ALDH3A2: variants seen among roughly 807,000 people sequenced by gnomAD.
ALDH3A2 encodes the protein aldehyde dehydrogenase 3 family member A2.
In ALDH3A2, 36 loss-of-function variants were observed where a neutral mutation model predicts 51.3. The ratio of observed to expected loss-of-function variants is 0.70; its 90% CI spans 0.54 to 0.93. The LOEUF (loss-of-function observed/expected upper bound fraction) is 0.93. Among genes scored for constraint, ALDH3A2 ranks in the 40% least tolerant of loss-of-function variants. The probability of loss-of-function intolerance (pLI) is 0.00; values close to 1 mark genes in which losing one functional copy is unlikely to be tolerated. For synonymous variants in ALDH3A2, 199 were observed against 219.8 expected (o/e 0.91, Z 0.84); for missense variants, 552 against 603.1 (o/e 0.92, Z 0.89).
chr17:19,666,565 T>C (rs1339049928), intron 8 of ALDH3A2, among the ~76,000 whole-genome samples: 2 of 152,058 alleles, frequency 1.3e-5, no homozygotes, highest in Non-Finnish European at 2.9e-5. Context: ...TCACTTGAGG[T>C]CAGGAGTTCC....
At chr17:19,656,599 G>T (rs1403120497) in intron 4 of ALDH3A2, 25 bp downstream of exon 4, 2 of 1,587,984 alleles carry the variant, frequency 1.3e-6, no homozygotes, top group South Asian at 2.3e-5. Flanking sequence ...CTGATTTTCT[G>T]AGGTTTTCCC....
chr17:19,653,265 G>A (rs1205941348), intron 3 of ALDH3A2, among the ~76,000 whole-genome samples: 1 of 151,866 alleles, frequency 6.6e-6, no homozygotes, highest in African/African-American at 2.4e-5. Context: ...GGCTGGTCTC[G>A]AGCTCCTGAC....
At chr17:19,649,354 T>C in intron 1 of ALDH3A2, 1 of 557,080 alleles carries the variant, frequency 1.8e-6, no homozygotes, top group Non-Finnish European at 3.1e-6. Flanking sequence ...CTGCCTTTTC[T>C]ATTCTTGTCC....
chr17:19,650,307 G>T (rs988070369), intron 1 of ALDH3A2, among the ~76,000 whole-genome samples: 1 of 151,108 alleles, frequency 6.6e-6, no homozygotes, highest in Non-Finnish European at 1.5e-5. Context: ...AAACGGACAG[G>T]GTCTCCCTTT....
chr17:19,675,420 CCTTTT>C (rs2152334429), intron 9 of ALDH3A2, 133 bp from the exon 10 acceptor site: 2 of 880,274 alleles, frequency 2.3e-6, no homozygotes, highest in African/African-American at 3.3e-5. Context: ...GATATGTAGT[CCTTTT>C]TTGTACAATG....
At chr17:19,673,398 C>A in intron 9 of ALDH3A2, 1 of 1,185,166 alleles carries the variant, frequency 8.4e-7, no homozygotes. Flanking sequence ...TTTTTTTTTG[C>A]TACAGTTGGA....
intron 3 of ALDH3A2, among the ~76,000 whole-genome samples, chr17:19,655,842 T>A (rs569589874): frequency 6.6e-6 from 1 of 152,328 alleles, no homozygotes; most frequent in East Asian, 1.9e-4. Flanking sequence ...GTAGCTTGCC[T>A]AAGGTTGCAT....
rs2084865348 is a variant in ALDH3A2 at position 19,654,422 on chromosome 17, C to A, written c.471+1790C>A. Among the ~76,000 whole-genome samples the A allele has an allele frequency of 6.6e-6, 1 of 152,196 alleles. No individual in the cohort carries two copies. Among genetic ancestry groups the A allele is most frequent in the Admixed American group, 6.5e-5 (1 of 15,282 alleles). On this transcript the variant is annotated intron_variant, in intron 3 of 9. Coordinates refer to ENST00000176643, the MANE Select transcript of ALDH3A2 (RefSeq NM_000382.3). This position sits in a 1 kb window ranked among gnomAD's most constrained non-coding sequence, Gnocchi z 4.5. ...GAACCCACCAGGGGCGGGGTGGGGGCCTTGGGCATGGCGGGCTGCAGGTCC... is the reference window on the plus strand; with the variant it reads ...GAACCCACCAGGGGCGGGGTGGGGGACTTGGGCATGGCGGGCTGCAGGTCC...
intron 9 of ALDH3A2, chr17:19,674,823 T>G (rs2085166087): frequency 1.3e-5 from 2 of 152,264 alleles, no homozygotes; most frequent in African/African-American, 4.8e-5. Flanking sequence ...TATATTTACC[T>G]GAATAGTCTA....
chr17:19,648,592 C>G (rs974932785), upstream of ALDH3A2: 3 of 250,552 alleles, frequency 1.2e-5, no homozygotes, highest in Admixed American at 5.2e-5. Flanking sequence ...CCCCCTGGCC[C>G]GTGGCCGCGC....
In ALDH3A2 at chr17:19,657,796, C is replaced by A; in HGVS notation, c.732C>A (p.Pro244=). 6.2e-7 allele frequency: 1 copy of A among 1,614,002 alleles called. No homozygotes were observed. The highest frequency in any genetic ancestry group is 8.5e-7 in the Non-Finnish European group (1 of 1,179,926). Residue 244 remains proline (P), a synonymous_variant, in exon 5 of 10, where the codon CCC becomes CCA. Coordinates refer to ENST00000176643, the MANE Select transcript of ALDH3A2 (RefSeq NM_000382.3). ...YMNCGQTCIA[P]DYILCEASLQ... ...ATTGTGGCCAAACCTGCATTGCACC[C>A]GACTATATTCTCTGTGAAGCATCCC... is the stretch of plus-strand genomic sequence containing the variant.
chr17:19,657,999 C>T, intron 5 of ALDH3A2, 137 bp downstream of exon 5: 1 of 727,292 alleles, frequency 1.4e-6, no homozygotes, highest in Non-Finnish European at 2.4e-6. Context: ...AACTTATTGA[C>T]TAATATGAAA....
At chr17:19,658,635 G>A (rs1295952156) in intron 5 of ALDH3A2, among the ~76,000 whole-genome samples, 1 of 151,822 alleles carries the variant, frequency 6.6e-6, no homozygotes, top group African/African-American at 2.4e-5. Flanking sequence ...GCTAAGGCAC[G>A]AGATTTGCTT....
intron 7 of ALDH3A2, among the ~76,000 whole-genome samples, chr17:19,663,898 G>A (rs2085001487): frequency 6.6e-6 from 1 of 152,196 alleles, no homozygotes; most frequent in African/African-American, 2.4e-5. Flanking sequence ...CAAAGACCCC[G>A]ACACTGTCAC....
chr17:19,663,558 C>T, intron 7 of ALDH3A2, 59 bp downstream of exon 7: 1 of 1,574,544 alleles, frequency 6.4e-7, no homozygotes, highest in South Asian at 1.1e-5. Context: ...CATGTTCCTT[C>T]TTTGCTGTAA....
intron 7 of ALDH3A2, among the ~76,000 whole-genome samples, chr17:19,664,705 C>T (rs2085011613): frequency 6.6e-6 from 1 of 152,146 alleles, no homozygotes; most frequent in African/African-American, 2.4e-5. Context: ...TTGGAGCTGC[C>T]TCCTTTTGTG....
In ALDH3A2 at chr17:19,648,857, G is replaced by T; in HGVS notation, c.-115G>T. The T allele has an allele frequency of 7.3e-7, 1 of 1,375,872 alleles. No individual in the cohort carries two copies. The highest frequency in any genetic ancestry group is 2.0e-5 in the Admixed American group (1 of 49,314). The allele number at this position is 1,375,872 out of a possible 1,614,324, so 85.2% of individuals were successfully genotyped here. A position where few individuals can be genotyped will look rare whatever the true frequency, so the allele number is the denominator to read the frequency against. ...TGAATTGTGGCTGTGGGTTGACGGT[G>T]GAGACACCCCCCGGAGGGAGGCGGA... On this transcript the variant is annotated 5_prime_UTR_variant, in exon 1 of 10. Transcript: ENST00000176643.
chr17:19,665,115 A>C (rs2085018350), intron 8 of ALDH3A2, 68 bp downstream of exon 8: 1 of 1,376,490 alleles, frequency 7.3e-7, no homozygotes, highest in Admixed American at 1.7e-5. Context: ...AGTGGATTGT[A>C]TGGGCTGCTG....
At position 19,651,763 on chromosome 17, in the gene ALDH3A2, G is replaced by A; in HGVS notation, c.370G>A (p.Gly124Arg). 1 of 1,614,108 alleles carries A rather than the reference G, an allele frequency of 6.2e-7. No individual in the cohort carries two copies. The highest frequency in any genetic ancestry group is 8.5e-7 in the Non-Finnish European group (1 of 1,179,994). ...PFVLTIQPLIGAIAAGNAVII... is the reference protein window; with the variant it reads ...PFVLTIQPLIRAIAAGNAVII... ...CGTTCTCACCATTCAGCCACTGATAGGAGCCATCGCTGCAGGTCTGGTGCC... is the reference window on the plus strand; with the variant it reads ...CGTTCTCACCATTCAGCCACTGATAAGAGCCATCGCTGCAGGTCTGGTGCC... Residue 124 changes from glycine to arginine, a missense_variant, in exon 2 of 10, where the codon GGA (glycine) becomes AGA (arginine). By Grantham distance (125) the Gly-to-Arg change is moderately radical. Transcript: ENST00000176643.
Sources: gnomAD v4.1 joint callset for allele counts (sites outside exome capture counted in the v4.1 genomes callset) on GRCh38, gnomAD v4.1.1 for gene constraint, Gnocchi (gnomAD v3.1) non-coding constraint, MANE v1.5 for transcripts, NCBI Gene and HGNC (gene_info 2026-07-23, HGNC 2026-07-21) for gene names.